DSCAML1: variants seen among roughly 807,000 people sequenced by gnomAD.
The protein encoded by DSCAML1 is DS cell adhesion molecule like 1.
Under a neutral mutation model 200.5 loss-of-function variants are expected in DSCAML1, and 38 were observed. The ratio of observed to expected loss-of-function variants is 0.19; its 90% CI spans 0.15 to 0.25. The LOEUF (loss-of-function observed/expected upper bound fraction) is 0.25. Among genes scored for constraint, DSCAML1 ranks in the 10% least tolerant of loss-of-function variants. The pLI is 1.00. For synonymous variants in DSCAML1, 1,215 were observed against 1,165.0 expected (o/e 1.04, Z -0.87); for missense variants, 2,223 against 2,858.8 (o/e 0.78, Z 5.07).
At chr11:117,713,808 GGTGGTGGGCA>G (rs2053897006) in intron 3 of DSCAML1, among the ~76,000 whole-genome samples, 1 of 152,130 alleles carries the variant, frequency 6.6e-6, no homozygotes. Context: ...GGTGGTGGTG[GGTGGTGGGCA>G]GTGGTGGTGG....
intron 3 of DSCAML1, among the ~76,000 whole-genome samples, chr11:117,646,772 T>G (rs1309699207): frequency 6.6e-6 from 1 of 151,880 alleles, no homozygotes; most frequent in Non-Finnish European, 1.5e-5. Context: ...AAGAGCTAGC[T>G]GTTAAACCTT....
intron 11 of DSCAML1, among the ~76,000 whole-genome samples, chr11:117,484,241 G>A (rs779066803): frequency 6.6e-6 from 1 of 152,172 alleles, no homozygotes; most frequent in Non-Finnish European, 1.5e-5. Flanking sequence ...GAGCCACAGA[G>A]CTGCCACGGT....
Position 117,437,260 on chromosome 11 carries a change from G to A in DSCAML1, c.4582C>T (p.Leu1528Phe), listed in dbSNP as rs148239444. 27 of 1,614,246 alleles carry A rather than the reference G, an allele frequency of 1.7e-5. No homozygotes were observed. In the African/African-American group the frequency reaches 2.9e-4, roughly 18 times the overall value. ...ACCTCCCCGGAGCTGTTGGCCCGGA[G>A]GCCCTGCCAGGCCCAGGTCCCCTTG... ...RPKGTWAWQG[L>F]RANSSGEVFL... The change falls in exon 26 of 33, where the codon CTC becomes TTC. Residue 1528 changes from leucine (L) to phenylalanine (F), a missense_variant. By Grantham distance (22) the Leu-to-Phe change is conservative. Around this residue, in one of 7 missense-constraint regions of DSCAML1, gnomAD observed 614 missense variants for 739.1 expected, o/e 0.83. Coordinates refer to ENST00000651296, the MANE Select transcript of DSCAML1 (RefSeq NM_020693.4). This position sits in a 1 kb window ranked among gnomAD's most constrained non-coding sequence, Gnocchi z 5.3.
chr11:117,632,051 TA>T (rs1374484972), intron 3 of DSCAML1, among the ~76,000 whole-genome samples: 2 of 152,178 alleles, frequency 1.3e-5, no homozygotes, highest in Non-Finnish European at 2.9e-5. Context: ...AGTGGCCATA[TA>T]GCCTAATGGT....
At chr11:117,748,724 G>C (rs2054556081) in intron 3 of DSCAML1, among the ~76,000 whole-genome samples, 1 of 152,232 alleles carries the variant, frequency 6.6e-6, no homozygotes, top group Non-Finnish European at 1.5e-5. Context: ...GCAGGAGCCT[G>C]GGTACTGCAT....
At chr11:117,436,347 G>A (rs1000009083) in intron 26 of DSCAML1, among the ~76,000 whole-genome samples, 1 of 152,166 alleles carries the variant, frequency 6.6e-6, no homozygotes, top group Non-Finnish European at 1.5e-5. Flanking sequence ...GCCAAGCCCT[G>A]ACCCTTGCCT....
At chr11:117,568,599 A>C (rs11823847) in intron 3 of DSCAML1, among the ~76,000 whole-genome samples, 1,606 of 152,134 alleles carry the variant, frequency 0.011, 25 homozygotes, top group African/African-American at 0.036. Flanking sequence ...GAGCCAAATC[A>C]TGAGTGAACT....
intron 1 of DSCAML1, among the ~76,000 whole-genome samples, chr11:117,813,491 G>A (rs1438212947): frequency 6.6e-6 from 1 of 152,226 alleles, no homozygotes; most frequent in African/African-American, 2.4e-5. Flanking sequence ...AACTCTTGAA[G>A]TAAATAAATA....
At chr11:117,792,746 G>T (rs1179384186) in intron 1 of DSCAML1, among the ~76,000 whole-genome samples, 1 of 152,132 alleles carries the variant, frequency 6.6e-6, no homozygotes, top group Non-Finnish European at 1.5e-5. Flanking sequence ...GCGGGCCCTG[G>T]ATTTCTATAG....
At chr11:117,665,297 T>A (rs1024956169) in intron 3 of DSCAML1, among the ~76,000 whole-genome samples, 2 of 152,202 alleles carry the variant, frequency 1.3e-5, no homozygotes, top group Non-Finnish European at 2.9e-5. Context: ...GCTGGGCAGT[T>A]ATAAACAAGT....
chr11:117,760,771 A>G (rs2054785405), intron 3 of DSCAML1, among the ~76,000 whole-genome samples: 1 of 152,202 alleles, frequency 6.6e-6, no homozygotes, highest in Non-Finnish European at 1.5e-5. Context: ...CACCATAGCC[A>G]AGTTCCCAGA....
At chr11:117,530,636 T>G (rs2050061046) in intron 4 of DSCAML1, among the ~76,000 whole-genome samples, 1 of 152,142 alleles carries the variant, frequency 6.6e-6, no homozygotes, top group East Asian at 1.9e-4. Context: ...GGAGCCGGGT[T>G]GTTGCCCTCC....
chr11:117,624,530 CT>C (rs952071889), intron 3 of DSCAML1, among the ~76,000 whole-genome samples: 6 of 152,108 alleles, frequency 3.9e-5, no homozygotes, highest in African/African-American at 1.2e-4. Flanking sequence ...GTGTTTTGGC[CT>C]TTTTTTATGG....
At chr11:117,459,461 G>T (rs1434068836) in intron 18 of DSCAML1, among the ~76,000 whole-genome samples, 1 of 152,222 alleles carries the variant, frequency 6.6e-6, no homozygotes, top group African/African-American at 2.4e-5. Context: ...ACTCCCAGTT[G>T]GGGTAAGGGG....
intron 3 of DSCAML1, among the ~76,000 whole-genome samples, chr11:117,763,409 G>T (rs1219872311): frequency 1.3e-5 from 2 of 151,428 alleles, no homozygotes; most frequent in Admixed American, 1.3e-4. Context: ...TGAGAACAAC[G>T]GGAGACGTGG....
chr11:117,494,453 T>C (rs2049252242), intron 11 of DSCAML1, among the ~76,000 whole-genome samples: 1 of 152,188 alleles, frequency 6.6e-6, no homozygotes, highest in Non-Finnish European at 1.5e-5. Context: ...CCTAGAGGGA[T>C]TTTTTGGCTA....
intron 3 of DSCAML1, among the ~76,000 whole-genome samples, chr11:117,583,569 C>A (rs569990813): frequency 2.6e-5 from 4 of 152,324 alleles, no homozygotes; most frequent in African/African-American, 9.6e-5. Flanking sequence ...CTGCCACAAG[C>A]GCCATTACCC....
intron 21 of DSCAML1, among the ~76,000 whole-genome samples, chr11:117,442,331 A>C (rs112924967): frequency 7.1e-6 from 1 of 140,128 alleles, no homozygotes; most frequent in African/African-American, 2.9e-5. Flanking sequence ...ATTAGTGTGT[A>C]TAGTGTGTAT....
chr11:117,468,350 C>T (rs2048623880), intron 16 of DSCAML1, among the ~76,000 whole-genome samples: 1 of 151,424 alleles, frequency 6.6e-6, no homozygotes, highest in African/African-American at 2.4e-5. Context: ...ATTTATTGAC[C>T]ACCTGGTTCA....
Sources: allele counts gnomAD v4.1 joint callset (sites outside exome capture counted in the v4.1 genomes callset), GRCh38; gene constraint gnomAD v4.1.1; regional missense constraint gnomAD v4.1.1; non-coding constraint Gnocchi (gnomAD v3.1); transcripts MANE v1.5; gene names NCBI Gene and HGNC (gene_info 2026-07-23, HGNC 2026-07-21).